Variants in FRMPD3 observed in about 807,000 individuals in gnomAD.
The protein encoded by FRMPD3 is FERM and PDZ domain containing 3.
FRMPD3 carries 42 observed loss-of-function variants against 97.9 expected under a neutral mutation model. The ratio of observed to expected loss-of-function variants is 0.43; its 90% confidence interval spans 0.34 to 0.55. The LOEUF is 0.55. FRMPD3 is among the 20% of genes least tolerant of loss of function. FRMPD3 has a pLI of 0.03. For missense variants in FRMPD3, 1,303 were observed against 1,457.7 expected (o/e 0.89, Z 1.73); for synonymous variants, 577 against 581.1 (o/e 0.99, Z 0.10).
intron 1 of FRMPD3, among the ~76,000 whole-genome samples, chrX:107,471,816 A>C (rs1921070268): frequency 8.9e-6 from 1 of 112,522 alleles, no homozygotes; most frequent in Non-Finnish European, 1.9e-5. Context: ...GTATATACCC[A>C]GTAATGGGAT....
chrX:107,522,662 G>A (rs1239941529), intron 1 of FRMPD3, among the ~76,000 whole-genome samples: 1 of 112,114 alleles, frequency 8.9e-6, no homozygotes, highest in Non-Finnish European at 1.9e-5. Context: ...AGGAGATAAT[G>A]GATGTGAAAG....
At chrX:107,459,574 A>G (rs1267769129) in intron 1 of FRMPD3, among the ~76,000 whole-genome samples, 2 of 112,398 alleles carry the variant, frequency 1.8e-5, no homozygotes, top group African/African-American at 6.5e-5. Flanking sequence ...TGTCTGGGCC[A>G]GGTCTGCCAG....
chrX:107,533,113 G>A (rs749208072), intron 3 of FRMPD3, among the ~76,000 whole-genome samples: 4 of 111,620 alleles, frequency 3.6e-5, no homozygotes, highest in East Asian at 5.6e-4. Context: ...ATCATTGTAC[G>A]TGGTTCCCAG....
rs935023634 is a variant in FRMPD3 at position 107,605,164 on chromosome X, T to G, written c.*1791T>G. The G allele has an allele frequency of 9.0e-6, 1 of 110,940 alleles. No individual in the cohort carries two copies. The highest frequency in any genetic ancestry group is 1.9e-5 in the Non-Finnish European group (1 of 53,035). 9.1% of individuals were successfully genotyped at this position (110,940 alleles called of 1,213,427 possible). A position where few individuals can be genotyped will look rare whatever the true frequency, so the allele number is the denominator to read the frequency against. Reference sequence around the variant, plus strand: ...TAATGTCTGTATATAGTATATATACTACATAAAATATATAAATTATATATA... The same window carrying G: ...TAATGTCTGTATATAGTATATATACGACATAAAATATATAAATTATATATA... On this transcript the variant is annotated 3_prime_UTR_variant, in exon 15 of 15. Transcript: ENST00000683843.
At chrX:107,585,457 T>C (rs1181135479) in intron 13 of FRMPD3, among the ~76,000 whole-genome samples, 1 of 111,811 alleles carries the variant, frequency 8.9e-6, no homozygotes, top group African/African-American at 3.3e-5. Context: ...CTGATTGCCC[T>C]GGCCAGAACT....
Position 107,526,707 on chromosome X carries a change from G to A in FRMPD3, c.119G>A (p.Arg40Lys). The A allele has an allele frequency of 4.2e-6, 5 of 1,203,685 alleles. No individual in the cohort carries two copies. The highest frequency in any genetic ancestry group is 5.6e-6 in the Non-Finnish European group (5 of 892,048). ...TTTGGCTTCGTGGCTGGCAGTGAGA[G>A]GCCTGTGGTGGTTCGATCTGTGAGG... ...YGFGFVAGSE[R>K]PVVVRSVRPG... The change falls in exon 2 of 15, where the codon AGG (arginine) becomes AAG (lysine). Residue 40 changes from arginine (R) to lysine (K), a missense_variant. By Grantham distance (26) the Arg-to-Lys change is conservative. Transcript: ENST00000683843.
In FRMPD3 at chrX:107,528,501, T is replaced by G. The variant is rs199694546; in HGVS notation, c.148+1765T>G. 4.5e-5 allele frequency among the ~76,000 whole-genome samples: 5 copies of G among 111,824 alleles called. No homozygotes were observed. The East Asian group carries it at 1.4e-3, about 31-fold the overall frequency. On this transcript the variant is annotated intron_variant, in intron 2 of 14. Coordinates refer to ENST00000683843, the MANE Select transcript of FRMPD3 (RefSeq NM_001388459.1). Reference sequence around the variant, plus strand: ...AAGAGACTGACATTTTTGGCAGAAGTAGATAGAAGGAATGAAATGAGTTGA... The same window carrying G: ...AAGAGACTGACATTTTTGGCAGAAGGAGATAGAAGGAATGAAATGAGTTGA...
At chrX:107,565,198 A>G (rs1243559483) in intron 12 of FRMPD3, 132 bp downstream of exon 12, 7 of 610,840 alleles carry the variant, frequency 1.1e-5, no homozygotes, top group South Asian at 6.9e-5. Context: ...CAACCCTGGG[A>G]CTCTTTGGGC....
rs780427705 is a variant in FRMPD3 at position 107,481,027 on chromosome X, C to T, written c.-8+31022C>T. Among the ~76,000 whole-genome samples, 12 of 111,441 alleles carry T rather than the reference C, an allele frequency of 1.1e-4. No homozygotes were observed. The East Asian group carries it at 2.3e-3, about 21-fold the overall frequency. On this transcript the variant is annotated intron_variant, in intron 1 of 14. Coordinates refer to ENST00000683843, the MANE Select transcript of FRMPD3 (RefSeq NM_001388459.1). ...GCTTTGTGCCACCCAGCTTTACTCT[C>T]GAAATCTCATCAAACTACACATCTT...
At chrX:107,516,646 A>C (rs1299977898) in intron 1 of FRMPD3, among the ~76,000 whole-genome samples, 1 of 110,473 alleles carries the variant, frequency 9.1e-6, no homozygotes, top group African/African-American at 3.3e-5. Flanking sequence ...GCATTTTTTC[A>C]TGTGTTTTTT....
chrX:107,577,060 T>A (rs1386461333), intron 13 of FRMPD3, among the ~76,000 whole-genome samples: 1 of 107,213 alleles, frequency 9.3e-6, no homozygotes, highest in Non-Finnish European at 1.9e-5. Flanking sequence ...GCTGTGGTTT[T>A]CTGAGTAGTC....
intron 1 of FRMPD3, among the ~76,000 whole-genome samples, chrX:107,460,777 C>T (rs1217869568): frequency 1.8e-5 from 2 of 111,376 alleles, no homozygotes; most frequent in Non-Finnish European, 3.8e-5. Context: ...GACTGGGGTT[C>T]TGAAAACCAG....
At chrX:107,573,278 C>T (rs960799655) in intron 12 of FRMPD3, among the ~76,000 whole-genome samples, 2 of 110,912 alleles carry the variant, frequency 1.8e-5, no homozygotes, top group Non-Finnish European at 3.8e-5. Context: ...TAGGGATGGC[C>T]GCGATGTGAA....
intron 1 of FRMPD3, among the ~76,000 whole-genome samples, chrX:107,486,944 A>G (rs2017845): frequency 1.8e-5 from 2 of 110,997 alleles, no homozygotes; most frequent in African/African-American, 6.6e-5. Context: ...GAGTAGGCTC[A>G]CTGAGAAATG....
At chrX:107,484,778 C>A (rs1921461095) in intron 1 of FRMPD3, among the ~76,000 whole-genome samples, 1 of 112,246 alleles carries the variant, frequency 8.9e-6, no homozygotes, top group South Asian at 3.7e-4. Context: ...AGGGTACAGA[C>A]CAGGGCAGGT....
intron 13 of FRMPD3, among the ~76,000 whole-genome samples, chrX:107,585,134 G>A (rs1184321406): frequency 2.7e-5 from 3 of 111,252 alleles, no homozygotes; most frequent in South Asian, 7.7e-4. Context: ...GTGGTTTGTA[G>A]TTCTCCTTGA....
chrX:107,518,447 C>T (rs766381573), intron 1 of FRMPD3, among the ~76,000 whole-genome samples: 46 of 111,194 alleles, frequency 4.1e-4, no homozygotes, highest in Middle Eastern at 4.7e-3. Context: ...GTGAGTGAAG[C>T]GGAAGAAGCA....
chrX:107,560,136 C>G (rs1569422667), intron 8 of FRMPD3, 121 bp from the exon 9 acceptor site: 1 of 860,020 alleles, frequency 1.2e-6, no homozygotes, highest in African/African-American at 2.1e-5. Flanking sequence ...CTTCCTCTGT[C>G]CCTTGATCTA....
intron 3 of FRMPD3, among the ~76,000 whole-genome samples, chrX:107,532,835 A>C (rs1923025695): frequency 8.9e-6 from 1 of 112,668 alleles, no homozygotes; most frequent in South Asian, 3.6e-4. Context: ...AGTTCTTTTA[A>C]AAGATTATGT....
Sources: gnomAD v4.1 joint callset for allele counts (sites outside exome capture counted in the v4.1 genomes callset) on GRCh38, gnomAD v4.1.1 for gene constraint, MANE v1.5 for transcripts, NCBI Gene and HGNC (gene_info 2026-07-23, HGNC 2026-07-21) for gene names.